The following GLT8D2 variants were observed in gnomAD, a reference collection of about 807,000 sequenced individuals.
GLT8D2 encodes the protein glycosyltransferase 8 domain-containing protein 2.
In GLT8D2, 45 loss-of-function variants were observed where a neutral mutation model predicts 44.5. The observed-to-expected ratio is 1.01, with a 90% CI of 0.80 to 1.30. The LOEUF (loss-of-function observed/expected upper bound fraction) is 1.30. GLT8D2 is among the 50% of genes most tolerant of loss of function. The pLI is 0.00. For synonymous variants in GLT8D2, 156 were observed against 157.2 expected (o/e 0.99, Z 0.06); for missense variants, 400 against 430.4 (o/e 0.93, Z 0.62).
chr12:104,024,964 G>A (rs1878370188), intron 1 of GLT8D2, among the ~76,000 whole-genome samples: 1 of 151,444 alleles, frequency 6.6e-6, no homozygotes, highest in Non-Finnish European at 1.5e-5. Context: ...CAGCTACTCG[G>A]GAGGCTGAGG....
At chr12:104,031,551 C>A in intron 1 of GLT8D2, 1 of 1,611,168 alleles carries the variant, frequency 6.2e-7, no homozygotes, top group Non-Finnish European at 8.5e-7. Context: ...TGAAGGCCGG[C>A]GGGGAAGATA....
chr12:104,045,042 A>T (rs184380476), intron 1 of GLT8D2, among the ~76,000 whole-genome samples: 3 of 152,388 alleles, frequency 2.0e-5, no homozygotes, highest in Non-Finnish European at 2.9e-5. Flanking sequence ...CACTGAGGAC[A>T]GCGACTGTGG....
intron 1 of GLT8D2, among the ~76,000 whole-genome samples, chr12:104,045,410 T>C (rs1880975392): frequency 6.6e-6 from 1 of 152,164 alleles, no homozygotes; most frequent in Admixed American, 6.5e-5. Context: ...CCTGCAGGCC[T>C]GTCTTCAGGA....
At chr12:104,045,921 AAG>A (rs1340192304) in intron 1 of GLT8D2, among the ~76,000 whole-genome samples, 1 of 149,086 alleles carries the variant, frequency 6.7e-6, no homozygotes, top group African/African-American at 2.5e-5. Flanking sequence ...GAAAGAAAGA[AAG>A]AAAGAAAGAA....
intron 4 of GLT8D2, among the ~76,000 whole-genome samples, chr12:104,005,436 T>C (rs1328909339): frequency 1.3e-5 from 2 of 151,894 alleles, no homozygotes; most frequent in Admixed American, 6.6e-5. Context: ...ACCATCAGAG[T>C]GAACAGGCAA....
rs985324698 is a variant in GLT8D2 at position 104,045,390 on chromosome 12, C to T, written c.-164+4505G>A. Among the ~76,000 whole-genome samples the T allele has an allele frequency of 1.9e-4, 29 of 152,290 alleles. No individual in the cohort carries two copies. The South Asian group carries it at 3.9e-3, about 21-fold the overall frequency. On this transcript the variant is annotated intron_variant, in intron 1 of 10. Transcript: ENST00000360814. ...TGGTAATAAATAGCCAAGCCTTTAACAAGAAATTGCCTGCAGGCCTGTCTT... is the reference window on the plus strand; with the variant it reads ...TGGTAATAAATAGCCAAGCCTTTAATAAGAAATTGCCTGCAGGCCTGTCTT...
chr12:103,993,049 C>T (rs1035841317), intron 10 of GLT8D2, among the ~76,000 whole-genome samples: 3 of 152,200 alleles, frequency 2.0e-5, no homozygotes, highest in African/African-American at 4.8e-5. Context: ...TGCACATTTG[C>T]GGCCGGGCAT....
intron 4 of GLT8D2, among the ~76,000 whole-genome samples, chr12:104,007,893 G>T (rs577890729): frequency 2.5e-3 from 378 of 152,286 alleles, no homozygotes; most frequent in Non-Finnish European, 3.0e-3. Context: ...TTTATCAGGG[G>T]TTTCTGCTTT....
chr12:104,016,372 C>G (rs555519009), intron 3 of GLT8D2, among the ~76,000 whole-genome samples: 2 of 152,168 alleles, frequency 1.3e-5, no homozygotes, highest in East Asian at 3.9e-4. Flanking sequence ...TGTGGTGGCT[C>G]ACACCTGTAA....
intron 4 of GLT8D2, among the ~76,000 whole-genome samples, chr12:104,003,691 CA>C (rs2136301584): frequency 6.6e-6 from 1 of 152,174 alleles, no homozygotes; most frequent in South Asian, 2.1e-4. Flanking sequence ...GCTTAGACCA[CA>C]AGATGGAAGC....
chr12:104,012,717 G>A (rs902377567), intron 4 of GLT8D2: 15 of 662,336 alleles, frequency 2.3e-5, no homozygotes, highest in Non-Finnish European at 3.3e-5. Flanking sequence ...GTTTGTTAAC[G>A]TCTTAGCTTC....
intron 4 of GLT8D2, 112 bp from the exon 5 acceptor site, chr12:104,003,418 T>TA (rs1436179545): frequency 2.2e-6 from 2 of 911,466 alleles, no homozygotes; most frequent in Non-Finnish European, 3.4e-6. Flanking sequence ...AAGAGACTGC[T>TA]GATTGTTCTC....
chr12:104,000,608 T>C lies in GLT8D2; in HGVS notation c.285-1094A>G, dbSNP rs76123624. ...ACAGCAAGAACTGGGAAATAGCCCC[T>C]GGCCAAAGTCAGAAAGTCATGAGGT... On this transcript the variant is annotated intron_variant, in intron 5 of 10. Coordinates refer to ENST00000360814, the MANE Select transcript of GLT8D2 (RefSeq NM_001384711.1). Among the ~76,000 whole-genome samples, 813 of 152,308 alleles carry C rather than the reference T, an allele frequency of 5.3e-3. 8 individuals carry two copies. Among genetic ancestry groups the C allele is most frequent in the African/African-American group, 0.019 (786 of 41,580 alleles).
rs762935417 is a variant in GLT8D2, at chr12:103,994,434, G to A, written c.668C>T (p.Thr223Ile). The A allele has an allele frequency of 1.2e-6, 2 of 1,614,120 alleles. No homozygotes were observed. Among genetic ancestry groups the A allele is most frequent in the South Asian group, 1.1e-5 (1 of 91,070 alleles). The change falls in exon 9 of 11, where the codon ACC becomes ATC. Residue 223 changes from threonine (T) to isoleucine (I), a missense_variant. By Grantham distance (89) the Thr-to-Ile change is moderately conservative. Transcript: ENST00000360814. ...AIKDLGISPS[T>I]CSFNPGVIVA... is the part of the protein sequence containing the mutation. The stretch of plus-strand genomic sequence containing the variant: ...AATCACACCAGGATTGAAAGAGCAG[G>A]TGCTGGGGCTGATGCCAAGGTCCTT...
Position 104,041,412 on chromosome 12 carries a change from T to C in GLT8D2, c.-164+8483A>G, listed in dbSNP as rs137870045. On this transcript the variant is annotated intron_variant, in intron 1 of 10. Coordinates refer to ENST00000360814, the MANE Select transcript of GLT8D2 (RefSeq NM_001384711.1). ...CTGGGCGACAGAAAGAGACTCTGTCTCAAAAAAGAAAAAATTAGTTGGATG... is the reference window on the plus strand; with the variant it reads ...CTGGGCGACAGAAAGAGACTCTGTCCCAAAAAAGAAAAAATTAGTTGGATG... Among the ~76,000 whole-genome samples, 642 of 151,982 alleles carry C rather than the reference T, an allele frequency of 4.2e-3. 2 individuals are homozygous for C. The highest frequency in any genetic ancestry group is 7.6e-3 in the Non-Finnish European group (515 of 67,968).
rs1243790957 is a variant in GLT8D2, at chr12:104,060,983, TG to T, written c.-423+2965del. Among the ~76,000 whole-genome samples, 5 of 151,194 alleles carry T rather than the reference TG, an allele frequency of 3.3e-5. No individual in the cohort carries two copies. The East Asian group carries it at 5.8e-4, about 18-fold the overall frequency. ...GGGAGAACACCACGTGATGATGTGA[TG>T]GAGTCAGAGACTGGAGTGATTCATT... On this transcript the variant is annotated intron_variant, in intron 1 of 10. Coordinates refer to the GLT8D2 transcript ENST00000548660.
intron 1 of GLT8D2, among the ~76,000 whole-genome samples, chr12:104,063,524 A>G (rs565073756): frequency 6.6e-6 from 1 of 152,308 alleles, no homozygotes; most frequent in Non-Finnish European, 1.5e-5. Flanking sequence ...CCGGCAACAG[A>G]GCCAGACCCT....
intron 5 of GLT8D2, among the ~76,000 whole-genome samples, chr12:104,001,147 C>T (rs1019945506): frequency 7.2e-5 from 11 of 152,116 alleles, no homozygotes; most frequent in African/African-American, 2.4e-4. Context: ...TCATACTATA[C>T]GAGTTATACT....
chr12:104,017,300 T>C (rs1453613877), intron 3 of GLT8D2, among the ~76,000 whole-genome samples: 1 of 152,196 alleles, frequency 6.6e-6, no homozygotes, highest in Non-Finnish European at 1.5e-5. Context: ...AGTACACTTA[T>C]AAATTTTTAA....
Sources: gnomAD v4.1 joint callset for allele counts (sites outside exome capture counted in the v4.1 genomes callset) on GRCh38, gnomAD v4.1.1 for gene constraint, MANE v1.5 for transcripts, NCBI Gene and HGNC (gene_info 2026-07-23, HGNC 2026-07-21) for gene names.